LIN28B: variants seen among roughly 807,000 people sequenced by gnomAD.
LIN28B encodes the protein protein lin-28 homolog B.
Under a neutral mutation model 21.9 loss-of-function variants are expected in LIN28B, and 5 were observed. That is an observed-to-expected ratio of 0.23 (90% CI 0.12 to 0.48). The LOEUF (loss-of-function observed/expected upper bound fraction) is 0.48, where lower values mean the gene tolerates loss of function less well. Ranked by LOEUF, LIN28B falls within the 20% of genes least tolerant of loss-of-function variation. The pLI is 0.98. For missense variants in LIN28B, 245 were observed against 310.5 expected (o/e 0.79, Z 1.58); for synonymous variants, 109 against 111.3 (o/e 0.98, Z 0.13).
chr6:104,991,385 C>G (rs556618725), intron 2 of LIN28B, among the ~76,000 whole-genome samples: 4 of 150,946 alleles, frequency 2.6e-5, no homozygotes, highest in South Asian at 2.1e-4. Context: ...GGGTCGCGGC[C>G]GGGCAGAGGC....
intron 3 of LIN28B, among the ~76,000 whole-genome samples, chr6:105,057,356 C>T (rs924569713): frequency 3.3e-5 from 5 of 152,184 alleles, no homozygotes; most frequent in African/African-American, 9.6e-5. Context: ...TTTTCTGCTA[C>T]ACATCATCAC....
intron 3 of LIN28B, among the ~76,000 whole-genome samples, chr6:105,052,048 C>T (rs1213648321): frequency 2.0e-5 from 3 of 152,088 alleles, no homozygotes; most frequent in Non-Finnish European, 2.9e-5. Flanking sequence ...ACATGAATGA[C>T]GTAAGGGAAC....
At chr6:104,946,965 T>A (rs1232043321) in intron 2 of LIN28B, among the ~76,000 whole-genome samples, 1 of 152,204 alleles carries the variant, frequency 6.6e-6, no homozygotes. Flanking sequence ...TTCCTGATTG[T>A]TAAATCATTT....
At chr6:105,009,924 T>A (rs1770888453) in intron 2 of LIN28B, among the ~76,000 whole-genome samples, 1 of 152,198 alleles carries the variant, frequency 6.6e-6, no homozygotes, top group Non-Finnish European at 1.5e-5. Context: ...TTCTGTTTCA[T>A]TCATATTCAT....
chr6:105,022,058 C>A (rs537920874), intron 2 of LIN28B, among the ~76,000 whole-genome samples: 2 of 151,734 alleles, frequency 1.3e-5, no homozygotes, highest in African/African-American at 4.9e-5. Flanking sequence ...AGGATCTCAC[C>A]TACAACCTAA....
chr6:105,036,638 G>A, intron 3 of LIN28B, among the ~76,000 whole-genome samples: 1 of 74,030 alleles, frequency 1.4e-5, no homozygotes, highest in African/African-American at 4.6e-5. Flanking sequence ...CGCTGCATAG[G>A]TCTCCCAAGA....
chr6:105,023,282 A>G (rs1771176937), intron 2 of LIN28B, among the ~76,000 whole-genome samples: 1 of 37,620 alleles, frequency 2.7e-5, no homozygotes, highest in South Asian at 9.9e-4. Context: ...TATTATATAT[A>G]TAAATAATAT....
rs1032684609 is a variant in LIN28B, at chr6:104,950,871, A to G, written c.67+362A>G. Among the ~76,000 whole-genome samples, 5 of 152,214 alleles carry G rather than the reference A, an allele frequency of 3.3e-5. No individual in the cohort carries two copies. The East Asian group carries it at 9.6e-4, about 29-fold the overall frequency. The stretch of plus-strand genomic sequence containing the variant: ...TGGTTTGTTCATTTTTGTAACTCCC[A>G]AAGTAAAATATGCACTAACGAATAT... On this transcript the variant is annotated intron_variant, in intron 3 of 5. Coordinates refer to the LIN28B transcript ENST00000635857.
intron 2 of LIN28B, among the ~76,000 whole-genome samples, chr6:104,997,349 A>C (rs1160787417): frequency 6.6e-6 from 1 of 151,754 alleles, no homozygotes; most frequent in African/African-American, 2.4e-5. Context: ...ACATGGTTAT[A>C]ATTTTAATTT....
chr6:104,977,794 C>T (rs951083813), intron 2 of LIN28B, among the ~76,000 whole-genome samples: 1 of 152,130 alleles, frequency 6.6e-6, no homozygotes, highest in African/African-American at 2.4e-5. Flanking sequence ...TCTTGAACTC[C>T]TGACCTCATG....
intron 3 of LIN28B, among the ~76,000 whole-genome samples, chr6:105,037,441 T>C (rs1382296978): frequency 2.0e-5 from 3 of 151,906 alleles, no homozygotes; most frequent in African/African-American, 7.3e-5. Context: ...GATTAAGAGC[T>C]ACAACTTTTC....
intron 3 of LIN28B, among the ~76,000 whole-genome samples, chr6:105,057,520 T>G (rs2114395903): frequency 6.6e-6 from 1 of 152,358 alleles, no homozygotes; most frequent in Non-Finnish European, 1.5e-5. Flanking sequence ...AAGGTGATTT[T>G]TCTTCCTCTT....
intron 3 of LIN28B, among the ~76,000 whole-genome samples, chr6:105,048,176 AT>A (rs1185336658): frequency 6.6e-6 from 1 of 152,218 alleles, no homozygotes; most frequent in Non-Finnish European, 1.5e-5. Flanking sequence ...AGCTCTTATT[AT>A]TTTGAGATAC....
chr6:104,991,501 C>T (rs1363945055), intron 2 of LIN28B, among the ~76,000 whole-genome samples: 9 of 150,716 alleles, frequency 6.0e-5, no homozygotes, highest in South Asian at 2.1e-4. Flanking sequence ...GGATGGCGGC[C>T]GGGAAGAGGC....
chr6:105,077,005 G>A (rs1053915589), intron 3 of LIN28B, among the ~76,000 whole-genome samples: 45 of 151,994 alleles, frequency 3.0e-4, no homozygotes, highest in Admixed American at 1.2e-3. Flanking sequence ...AGGGGCAGGC[G>A]GATCACTTGA....
At chr6:104,992,255 T>C (rs1359240481) in intron 2 of LIN28B, among the ~76,000 whole-genome samples, 1 of 152,054 alleles carries the variant, frequency 6.6e-6, no homozygotes, top group Non-Finnish European at 1.5e-5. Context: ...AGACAGGGTT[T>C]TTCCATGTTG....
At chr6:104,948,486 T>C (rs1582857683) in intron 2 of LIN28B, among the ~76,000 whole-genome samples, 1 of 152,266 alleles carries the variant, frequency 6.6e-6, no homozygotes, top group Non-Finnish European at 1.5e-5. Flanking sequence ...AAAAAAATTA[T>C]TACATATAAA....
intron 3 of LIN28B, among the ~76,000 whole-genome samples, chr6:105,062,419 G>T (rs1183145401): frequency 1.3e-5 from 2 of 152,178 alleles, no homozygotes; most frequent in African/African-American, 4.8e-5. Context: ...AGGAAGAACA[G>T]TCGTCAGCAA....
At chr6:105,040,479 ATATT>A (rs1378726289) in intron 3 of LIN28B, among the ~76,000 whole-genome samples, 2 of 152,022 alleles carry the variant, frequency 1.3e-5, no homozygotes, top group South Asian at 2.1e-4. Flanking sequence ...ACTTGTGTTT[ATATT>A]TATTTACTAT....
Sources: gnomAD v4.1 joint callset for allele counts (sites outside exome capture counted in the v4.1 genomes callset) on GRCh38, gnomAD v4.1.1 for gene constraint, MANE v1.5 for transcripts, NCBI Gene and HGNC (gene_info 2026-07-23, HGNC 2026-07-21) for gene names.